The following GALNT14 variants were observed in gnomAD, a reference collection of about 807,000 sequenced individuals.
The protein encoded by GALNT14 is UDP-GalNAc:polypeptide N-acetylgalactosaminyltransferase 14.
GALNT14 carries 60 observed loss-of-function variants against 77.5 expected under a neutral mutation model. That is an observed-to-expected ratio of 0.77 (90% confidence interval 0.63 to 0.96). The LOEUF (loss-of-function observed/expected upper bound fraction) is 0.96, where lower values mean the gene tolerates loss of function less well. Ranked by LOEUF, GALNT14 falls within the 40% of genes least tolerant of loss-of-function variation. GALNT14 has a pLI of 0.00. For synonymous variants in GALNT14, 280 were observed against 281.7 expected (o/e 0.99, Z 0.06); for missense variants, 710 against 731.0 (o/e 0.97, Z 0.33).
At chr2:31,072,280 CAT>C (rs138303430) in intron 1 of GALNT14, among the ~76,000 whole-genome samples, 56,448 of 124,242 alleles carry the variant, frequency 0.45, 11,438 homozygotes, top group African/African-American at 0.49. Context: ...CACACACACA[CAT>C]ACACACACAC....
intron 1 of GALNT14, among the ~76,000 whole-genome samples, chr2:31,066,249 G>A (rs1323046747): frequency 2.0e-5 from 3 of 152,204 alleles, no homozygotes; most frequent in East Asian, 1.9e-4. Flanking sequence ...CCAGAGGCCA[G>A]GGCATTACCA....
chr2:30,956,048 C>G, intron 4 of GALNT14, 71 bp from the exon 5 acceptor site: 4 of 1,482,744 alleles, frequency 2.7e-6, no homozygotes, highest in Non-Finnish European at 3.8e-6. Flanking sequence ...GTGTGCACTG[C>G]AGGTGAACCT....
At chr2:30,899,892 G>A in the GALNT14 span, among the ~76,000 whole-genome samples, 1 of 152,112 alleles carries the variant, frequency 6.6e-6, no homozygotes, top group Non-Finnish European at 1.5e-5. Flanking sequence ...TGCCACGTGG[G>A]GCGTCGCAGA....
chr2:31,066,052 G>A (rs770605867), intron 1 of GALNT14, among the ~76,000 whole-genome samples: 3 of 152,230 alleles, frequency 2.0e-5, no homozygotes, highest in Middle Eastern at 3.4e-3. Context: ...ACCTTACCTC[G>A]CCTACAGGGC....
chr2:30,991,782 G>A (rs933657190), intron 2 of GALNT14, among the ~76,000 whole-genome samples: 1 of 152,216 alleles, frequency 6.6e-6, no homozygotes. Flanking sequence ...TTTCCAAGTA[G>A]TGCAACCTAG....
chr2:30,971,027 G>C (rs193126799), intron 2 of GALNT14, among the ~76,000 whole-genome samples: 2 of 151,950 alleles, frequency 1.3e-5, no homozygotes, highest in African/African-American at 2.4e-5. Flanking sequence ...GAACTCACCG[G>C]GGTTCAAGGC....
chr2:31,081,572 T>G (rs977920000), intron 1 of GALNT14, among the ~76,000 whole-genome samples: 2 of 152,198 alleles, frequency 1.3e-5, no homozygotes, highest in African/African-American at 4.8e-5. Flanking sequence ...AGTTAAACAT[T>G]CCAAAGTGCA....
the GALNT14 span, among the ~76,000 whole-genome samples, chr2:30,896,802 C>T: frequency 6.6e-6 from 1 of 151,998 alleles, no homozygotes; most frequent in Admixed American, 6.6e-5. Context: ...ATCTTTCCCC[C>T]TCCCTCTTCT....
the GALNT14 span, among the ~76,000 whole-genome samples, chr2:30,892,736 T>C: frequency 6.6e-6 from 1 of 152,184 alleles, no homozygotes; most frequent in African/African-American, 2.4e-5. Flanking sequence ...TGGCCCTGGT[T>C]AGGGGAATCT....
intron 1 of GALNT14, among the ~76,000 whole-genome samples, chr2:31,076,629 A>ATATATATAT (rs1553373502): frequency 9.8e-6 from 1 of 101,892 alleles, no homozygotes; most frequent in Non-Finnish European, 2.3e-5. Flanking sequence ...ATATATATAT[A>ATATATATAT]TTTTTTTTTT....
chr2:31,098,882 C>T (rs1429834470), intron 1 of GALNT14, among the ~76,000 whole-genome samples: 1 of 152,046 alleles, frequency 6.6e-6, no homozygotes. Flanking sequence ...AATATATTTA[C>T]TATTCAGTAA....
At chr2:31,096,651 A>G (rs1237999035) in intron 1 of GALNT14, among the ~76,000 whole-genome samples, 1 of 152,228 alleles carries the variant, frequency 6.6e-6, no homozygotes, top group East Asian at 1.9e-4. Flanking sequence ...TAACCTGACA[A>G]TAAGAAGGTA....
chr2:30,927,843 C>T (rs889029640), intron 11 of GALNT14, among the ~76,000 whole-genome samples: 15 of 152,082 alleles, frequency 9.9e-5, no homozygotes, highest in African/African-American at 3.4e-4. Context: ...CTGACGACCA[C>T]GGTGTATTAT....
chr2:31,073,466 T>A (rs1350182715), intron 1 of GALNT14, among the ~76,000 whole-genome samples: 7 of 131,146 alleles, frequency 5.3e-5, no homozygotes, highest in Non-Finnish European at 1.1e-4. Flanking sequence ...ATGACAAAAA[T>A]TAAATTTGGG....
At chr2:30,936,953 G>A (rs1274324286) in intron 9 of GALNT14, among the ~76,000 whole-genome samples, 2 of 152,226 alleles carry the variant, frequency 1.3e-5, no homozygotes, top group Non-Finnish European at 2.9e-5. Flanking sequence ...GGGAAGTTGA[G>A]AAGCAGCAGG....
chr2:31,085,819 T>G (rs1020307069), intron 1 of GALNT14, among the ~76,000 whole-genome samples: 1 of 152,166 alleles, frequency 6.6e-6, no homozygotes, highest in Non-Finnish European at 1.5e-5. Flanking sequence ...TACCAGACAC[T>G]GGTAATTTAT....
At chr2:31,055,485 G>C (rs1573256961) in intron 1 of GALNT14, among the ~76,000 whole-genome samples, 1 of 152,122 alleles carries the variant, frequency 6.6e-6, no homozygotes, top group South Asian at 2.1e-4. Flanking sequence ...AGGTCAACTG[G>C]GACTCCAGTT....
At chr2:31,050,018 T>C (rs932880467) in intron 1 of GALNT14, among the ~76,000 whole-genome samples, 2 of 152,124 alleles carry the variant, frequency 1.3e-5, no homozygotes, top group African/African-American at 4.8e-5. Context: ...GATGGGGACG[T>C]GTGGGTTCCC....
intron 1 of GALNT14, among the ~76,000 whole-genome samples, chr2:31,095,516 T>C (rs1180311997): frequency 6.6e-6 from 1 of 152,074 alleles, no homozygotes; most frequent in East Asian, 1.9e-4. Context: ...TAAGATGTTC[T>C]TGGGTCCTAA....
Sources: allele counts gnomAD v4.1 joint callset (sites outside exome capture counted in the v4.1 genomes callset), GRCh38; gene constraint gnomAD v4.1.1; transcripts MANE v1.5; gene names NCBI Gene and HGNC (gene_info 2026-07-23, HGNC 2026-07-21).